FRMD7: variants seen among roughly 807,000 people sequenced by gnomAD.
The protein encoded by FRMD7 is FERM domain containing 7, also known as FERM domain-containing protein 7.
A neutral mutation model predicts 44.1 loss-of-function variants in FRMD7; 14 were observed. The observed-to-expected ratio is 0.32, with a 90% confidence interval of 0.21 to 0.50. The LOEUF (loss-of-function observed/expected upper bound fraction) is 0.50. Among genes scored for constraint, FRMD7 ranks in the 20% least tolerant of loss-of-function variants. The probability of loss-of-function intolerance (pLI) is 0.99; values close to 1 mark genes in which losing one functional copy is unlikely to be tolerated. For missense variants in FRMD7, 501 were observed against 522.3 expected, an observed-to-expected ratio of 0.96 and a Z score of 0.40; for synonymous variants, 212 against 187.4, an observed-to-expected ratio of 1.13 and a Z score of -1.07.
chrX:132,109,926 A>G (rs772678936), intron 1 of FRMD7, among the ~76,000 whole-genome samples: 1 of 111,256 alleles, frequency 9.0e-6, no homozygotes, highest in South Asian at 3.9e-4. Flanking sequence ...GGCAGAAGTC[A>G]TACCAAGGGG....
At chrX:132,096,465 C>T (rs1928336752) in intron 4 of FRMD7, among the ~76,000 whole-genome samples, 1 of 109,977 alleles carries the variant, frequency 9.1e-6, no homozygotes, top group African/African-American at 3.3e-5. Flanking sequence ...GCCTGTAATC[C>T]CAGCACTTTG....
At chrX:132,085,802 G>A (rs1927967714) in intron 6 of FRMD7, 74 bp from the exon 7 acceptor site, 1 of 1,085,370 alleles carries the variant, frequency 9.2e-7, no homozygotes. Context: ...GCTCCATGAG[G>A]ATCTCAGCGT....
rs778234656 is a variant in FRMD7 at position 132,078,138 on chromosome X, A to G, written c.1879T>C (p.Phe627Leu). 1 of 1,211,197 alleles carries G rather than the reference A, an allele frequency of 8.3e-7. No homozygotes were observed. The highest frequency in any genetic ancestry group is 2.2e-5 in the Admixed American group (1 of 46,045). ...SHKADLFTDMFAEQELPAVLM... is the reference protein window; with the variant it reads ...SHKADLFTDMLAEQELPAVLM... ...ACTGCTGGCAACTCCTGCTCTGCAAACATATCCGTAAACAGGTCTGCTTTA... is the reference window on the plus strand; with the variant it reads ...ACTGCTGGCAACTCCTGCTCTGCAAGCATATCCGTAAACAGGTCTGCTTTA... Residue 627 changes from phenylalanine (F) to leucine (L), a missense_variant, in exon 12 of 12, where the codon TTT becomes CTT. Physicochemically the swap from Phe to Leu is conservative, Grantham distance 22. Coordinates refer to ENST00000298542, the MANE Select transcript of FRMD7 (RefSeq NM_194277.3).
At chrX:132,100,912 C>T (rs1050134595) in intron 1 of FRMD7, among the ~76,000 whole-genome samples, 196 bp from the exon 2 acceptor site, 2 of 111,643 alleles carry the variant, frequency 1.8e-5, no homozygotes, top group Admixed American at 9.5e-5. Context: ...GTTTTAGCGA[C>T]ATCCCTAAGA....
intron 1 of FRMD7, among the ~76,000 whole-genome samples, chrX:132,107,524 G>A (rs112419205): frequency 0.015 from 1,647 of 109,506 alleles, 11 homozygotes; most frequent in Non-Finnish European, 0.025. Context: ...TGGGATGAGG[G>A]TGCCAGTATG....
chrX:132,126,043 C>T (rs1929146884), intron 1 of FRMD7, among the ~76,000 whole-genome samples: 1 of 111,631 alleles, frequency 9.0e-6, no homozygotes, highest in Non-Finnish European at 1.9e-5. Flanking sequence ...GTGCTATCCA[C>T]AGATGACTCA....
intron 1 of FRMD7, among the ~76,000 whole-genome samples, chrX:132,109,010 G>A (rs1201720526): frequency 9.8e-5 from 11 of 111,677 alleles, no homozygotes; most frequent in Non-Finnish European, 2.1e-4. Context: ...GTGAGAACAG[G>A]CTACACCTAG....
chrX:132,083,374 A>G (rs762539094), intron 8 of FRMD7, among the ~76,000 whole-genome samples: 1 of 111,446 alleles, frequency 9.0e-6, no homozygotes, highest in South Asian at 3.8e-4. Context: ...CTAAAGTTCG[A>G]GTTTTCCCCA....
chrX:132,093,145 C>T (rs1355448078), intron 5 of FRMD7, among the ~76,000 whole-genome samples: 1 of 111,738 alleles, frequency 8.9e-6, no homozygotes, highest in Non-Finnish European at 1.9e-5. Flanking sequence ...CCAGGAGTCA[C>T]TTGGTAAACA....
chrX:132,103,950 C>T (rs775790119), intron 1 of FRMD7, among the ~76,000 whole-genome samples: 1 of 111,974 alleles, frequency 8.9e-6, no homozygotes, highest in African/African-American at 3.2e-5. Flanking sequence ...GATTCATGTA[C>T]ATTAGTATAA....
intron 1 of FRMD7, among the ~76,000 whole-genome samples, chrX:132,119,381 A>C (rs1300572048): frequency 8.9e-6 from 1 of 112,495 alleles, no homozygotes; most frequent in Admixed American, 9.4e-5. Context: ...AAATGTTCTG[A>C]GTGTGAAGTT....
At chrX:132,125,893 T>C (rs977131351) in intron 1 of FRMD7, among the ~76,000 whole-genome samples, 4 of 112,005 alleles carry the variant, frequency 3.6e-5, no homozygotes, top group Admixed American at 1.9e-4. Flanking sequence ...TGTGTGATTG[T>C]GCACACGTCA....
intron 8 of FRMD7, 31 bp from the exon 9 acceptor site, chrX:132,082,557 A>T: frequency 3.5e-6 from 4 of 1,144,286 alleles, no homozygotes; most frequent in Non-Finnish European, 4.8e-6. Flanking sequence ...TAAGTAAAAC[A>T]TCCTTCAAGA....
chrX:132,115,268 C>A (rs896590223), intron 1 of FRMD7, among the ~76,000 whole-genome samples: 4 of 111,894 alleles, frequency 3.6e-5, no homozygotes, highest in African/African-American at 9.8e-5. Flanking sequence ...TGGGGCTGGC[C>A]CCAGATTTAA....
At chrX:132,114,150 A>G (rs1027683645) in intron 1 of FRMD7, among the ~76,000 whole-genome samples, 16 of 111,274 alleles carry the variant, frequency 1.4e-4, no homozygotes, top group African/African-American at 5.2e-4. Context: ...AACAGTGCTC[A>G]CTATGTTGCC....
At position 132,124,589 on chromosome X, in the gene FRMD7, T is replaced by C. The variant is rs900570890; in HGVS notation, c.57+3199A>G. Among the ~76,000 whole-genome samples the C allele has an allele frequency of 8.9e-5, 10 of 112,189 alleles. 1 individual carries two copies. The South Asian group carries it at 3.7e-3, about 42-fold the overall frequency. ...GACTAATATTTTCAGAGAATTTATC[T>C]ATAAAATCAACACCAAGTGACTCAG... is the stretch of plus-strand genomic sequence containing the variant. On this transcript the variant is annotated intron_variant, in intron 1 of 11. Transcript: ENST00000298542.
chrX:132,078,214 A>G lies in FRMD7; in HGVS notation c.1803T>C (p.Phe601=). ...AAGGTCTAAATTCTGACCCAAAAGG[A>G]AAACGAATAGTTTTCATGTCTGATT... ...QSQSDMKTIR[F]PFGSEFRPLG... The change falls in exon 12 of 12, where the codon TTT becomes TTC. Residue 601 remains phenylalanine, a synonymous_variant. Coordinates refer to ENST00000298542, the MANE Select transcript of FRMD7 (RefSeq NM_194277.3). 2.5e-6 allele frequency: 3 copies of G among 1,211,866 alleles called. No individual in the cohort carries two copies. Among genetic ancestry groups the G allele is most frequent in the Non-Finnish European group, 3.4e-6 (3 of 895,475 alleles).
chrX:132,103,611 C>T (rs937651776), intron 1 of FRMD7, among the ~76,000 whole-genome samples: 1 of 111,323 alleles, frequency 9.0e-6, no homozygotes, highest in East Asian at 2.8e-4. Flanking sequence ...AACACTGATT[C>T]CTGGGGGCTT....
At chrX:132,089,312 G>A (rs762435669) in intron 5 of FRMD7, among the ~76,000 whole-genome samples, 3 of 111,394 alleles carry the variant, frequency 2.7e-5, no homozygotes, top group South Asian at 7.5e-4. Flanking sequence ...ATATGAAGTC[G>A]GACCCCTACC....
Sources: allele counts gnomAD v4.1 joint callset (sites outside exome capture counted in the v4.1 genomes callset), GRCh38; gene constraint gnomAD v4.1.1; transcripts MANE v1.5; gene names NCBI Gene and HGNC (gene_info 2026-07-23, HGNC 2026-07-21).